Variants in CACNA1B observed in about 807,000 individuals in gnomAD.
The protein encoded by CACNA1B is voltage-dependent N-type calcium channel subunit alpha-1B.
In CACNA1B, 70 loss-of-function variants were observed where a neutral mutation model predicts 247.2. The ratio of observed to expected loss-of-function variants is 0.28; its 90% CI spans 0.23 to 0.35. The LOEUF (loss-of-function observed/expected upper bound fraction) is 0.35, where lower values mean the gene tolerates loss of function less well. Ranked by LOEUF, CACNA1B falls within the 10% of genes least tolerant of loss-of-function variation. The pLI, the probability that CACNA1B is intolerant of heterozygous loss-of-function variation, is 1.00. For missense variants in CACNA1B, 2,367 were observed against 3,197.4 expected, an observed-to-expected ratio of 0.74 and a Z score of 6.26; for synonymous variants, 1,231 against 1,294.4, an observed-to-expected ratio of 0.95 and a Z score of 1.05.
At chr9:137,926,064 CTTTCT>C (rs1957547177) in intron 6 of CACNA1B, among the ~76,000 whole-genome samples, 1 of 103,438 alleles carries the variant, frequency 9.7e-6, no homozygotes, top group African/African-American at 3.2e-5. Flanking sequence ...TCCTTTTTTC[CTTTCT>C]TTTTTTTTTT....
chr9:138,005,073 A>C (rs1346798264), intron 15 of CACNA1B, among the ~76,000 whole-genome samples: 1 of 152,214 alleles, frequency 6.6e-6, no homozygotes, highest in Non-Finnish European at 1.5e-5. Flanking sequence ...AACAGTATGG[A>C]GGCTCCTTAA....
intron 6 of CACNA1B, among the ~76,000 whole-genome samples, chr9:137,928,541 GT>G (rs1394145620): frequency 2.0e-5 from 3 of 152,106 alleles, no homozygotes; most frequent in Non-Finnish European, 4.4e-5. Flanking sequence ...TTTTAAAAAC[GT>G]TTGGTAGGAT....
intron 9 of CACNA1B, 114 bp downstream of exon 9, chr9:137,956,941 C>T: frequency 1.2e-6 from 1 of 803,082 alleles, no homozygotes; most frequent in Non-Finnish European, 2.1e-6. Flanking sequence ...GTGCCAGGCA[C>T]CTGCACAGCC....
At chr9:137,892,691 G>C (rs1957119918) in intron 3 of CACNA1B, 4 of 317,932 alleles carry the variant, frequency 1.3e-5, no homozygotes, top group South Asian at 1.0e-4. Flanking sequence ...AAGGGTGGGG[G>C]CTCCTGAGCA....
intron 26 of CACNA1B, among the ~76,000 whole-genome samples, chr9:138,056,533 A>G (rs1314443240): frequency 6.6e-6 from 1 of 152,174 alleles, no homozygotes; most frequent in African/African-American, 2.4e-5. Context: ...TGTTGTATAC[A>G]TTTATGTCCA....
chr9:138,005,902 G>T (rs1958641890), intron 15 of CACNA1B, among the ~76,000 whole-genome samples: 1 of 152,064 alleles, frequency 6.6e-6, no homozygotes, highest in Non-Finnish European at 1.5e-5. Flanking sequence ...AATTAGCCGG[G>T]TGAGGTGGTG....
intron 36 of CACNA1B, among the ~76,000 whole-genome samples, chr9:138,087,791 G>A (rs1385767408): frequency 1.3e-5 from 2 of 148,910 alleles, no homozygotes; most frequent in Non-Finnish European, 3.0e-5. Context: ...AGAAACACAT[G>A]TCATGATAAC....
rs1355802187 is a variant in CACNA1B, at chr9:138,102,089, G to A, written c.5223-622G>A. ...AGCAGCCCTGCCCTGGGCTGGCCTCGGGCGTCTCTGGGCTTGAAGCAGGAC... is the reference window on the plus strand; with the variant it reads ...AGCAGCCCTGCCCTGGGCTGGCCTCAGGCGTCTCTGGGCTTGAAGCAGGAC... On this transcript the variant is annotated intron_variant, in intron 37 of 46. Transcript: ENST00000371372. This position sits in a 1 kb window ranked among gnomAD's most constrained non-coding sequence, Gnocchi z 5.4. 6.6e-6 allele frequency among the ~76,000 whole-genome samples: 1 copy of A among 152,172 alleles called. No individual in the cohort carries two copies. Among genetic ancestry groups the A allele is most frequent in the Non-Finnish European group, 1.5e-5 (1 of 68,024 alleles).
At chr9:137,946,460 A>C (rs900541426) in intron 6 of CACNA1B, among the ~76,000 whole-genome samples, 1 of 152,202 alleles carries the variant, frequency 6.6e-6, no homozygotes, top group Non-Finnish European at 1.5e-5. Flanking sequence ...TAACCAGGAA[A>C]GACAGAAAAG....
chr9:138,058,403 C>G lies in CACNA1B; in HGVS notation c.4308+153C>G, dbSNP rs931492900. Among the ~76,000 whole-genome samples the G allele has an allele frequency of 6.6e-6, 1 of 152,120 alleles. No individual in the cohort carries two copies. Among genetic ancestry groups the G allele is most frequent in the Non-Finnish European group, 1.5e-5 (1 of 68,016 alleles). On this transcript the variant is annotated intron_variant, in intron 28 of 46. Transcript: ENST00000371372. This position sits in a 1 kb window ranked among gnomAD's most constrained non-coding sequence, Gnocchi z 4.7. ...GTCCTCCTTTCTCCTGCAGAGGGACCGGATTTGGCTGGTTGAGGCCTGCTT... is the reference window on the plus strand; with the variant it reads ...GTCCTCCTTTCTCCTGCAGAGGGACGGGATTTGGCTGGTTGAGGCCTGCTT...
chr9:137,887,112 C>T (rs1455955081), intron 3 of CACNA1B, among the ~76,000 whole-genome samples: 1 of 151,800 alleles, frequency 6.6e-6, no homozygotes, highest in Non-Finnish European at 1.5e-5. Flanking sequence ...GGCGGAGCAG[C>T]GGAGGTGTGC....
At chr9:138,006,735 G>A (rs1311636938) in intron 15 of CACNA1B, 32 bp from the exon 16 acceptor site, 2 of 1,313,682 alleles carry the variant, frequency 1.5e-6, no homozygotes, top group African/African-American at 1.4e-5. Context: ...GCGGCCATGG[G>A]GGCTTGCCCT....
chr9:138,099,593 G>T (rs1010181701), intron 37 of CACNA1B, among the ~76,000 whole-genome samples: 1 of 150,780 alleles, frequency 6.6e-6, no homozygotes, highest in Non-Finnish European at 1.5e-5. Flanking sequence ...TGTGCCTGTG[G>T]GTGTGCACGT....
intron 3 of CACNA1B, among the ~76,000 whole-genome samples, chr9:137,904,564 T>C (rs1220654455): frequency 6.6e-6 from 1 of 151,658 alleles, no homozygotes; most frequent in Non-Finnish European, 1.5e-5. Context: ...GAGATGGGTC[T>C]CATATGTTGT....
chr9:138,114,578 A>G, intron 41 of CACNA1B, 88 bp downstream of exon 41: 1 of 659,192 alleles, frequency 1.5e-6, no homozygotes, highest in Non-Finnish European at 2.7e-6. Flanking sequence ...GGGGAGATGC[A>G]CACCATTCTT....
At position 137,881,667 on chromosome 9, in the gene CACNA1B, C is replaced by T. The variant is rs1272524240; in HGVS notation, c.391-1077C>T. On this transcript the variant is annotated intron_variant, in intron 2 of 46. Coordinates refer to ENST00000371372, the MANE Select transcript of CACNA1B (RefSeq NM_000718.4). This position sits in a 1 kb window ranked among gnomAD's most constrained non-coding sequence, Gnocchi z 4.3. Reference sequence around the variant, plus strand: ...AGCCCAGCTTCCCGGGCTTGCCTTGCACAGGGCCTTTCCCTGCCAGCCCCA... The same window carrying T: ...AGCCCAGCTTCCCGGGCTTGCCTTGTACAGGGCCTTTCCCTGCCAGCCCCA... Among the ~76,000 whole-genome samples the T allele has an allele frequency of 3.3e-5, 5 of 152,172 alleles. No homozygotes were observed. The highest frequency in any genetic ancestry group is 4.4e-5 in the Non-Finnish European group (3 of 68,000).
At position 137,934,932 on chromosome 9, in the gene CACNA1B, C is replaced by T. The variant is rs541825731; in HGVS notation, c.967-17342C>T. On this transcript the variant is annotated intron_variant, in intron 6 of 46. Coordinates refer to ENST00000371372, the MANE Select transcript of CACNA1B (RefSeq NM_000718.4). ...GACAAAACAAGGTTCCTTAACACCCCGAAGAAATCACACTAGCTCACTAGC... is the reference window on the plus strand; with the variant it reads ...GACAAAACAAGGTTCCTTAACACCCTGAAGAAATCACACTAGCTCACTAGC... Among the ~76,000 whole-genome samples, 25 of 152,206 alleles carry T rather than the reference C, an allele frequency of 1.6e-4. No homozygotes were observed. In the South Asian group the frequency reaches 3.7e-3, roughly 23 times the overall value.
chr9:137,919,536 C>T lies in CACNA1B; in HGVS notation c.966+2105C>T, dbSNP rs1398073243. 6.6e-6 allele frequency among the ~76,000 whole-genome samples: 1 copy of T among 152,236 alleles called. No homozygotes were observed. The highest frequency in any genetic ancestry group is 2.4e-5 in the African/African-American group (1 of 41,470). The stretch of plus-strand genomic sequence containing the variant: ...CCTCCACACTAAGGGCATACAGGGT[C>T]GGTCACTGGAGATTAGACAGGAGTT... On this transcript the variant is annotated intron_variant, in intron 6 of 46. Coordinates refer to ENST00000371372, the MANE Select transcript of CACNA1B (RefSeq NM_000718.4). This position sits in a 1 kb window ranked among gnomAD's most constrained non-coding sequence, Gnocchi z 4.6.
Position 138,054,177 on chromosome 9 carries a change from T to A in CACNA1B, c.3968+171T>A, listed in dbSNP as rs1311079448. The stretch of plus-strand genomic sequence containing the variant: ...GGGGCTTGCTTGAGAAGGGCTAGAG[T>A]CACCACAGAAGACAGGATGCATCCC... On this transcript the variant is annotated intron_variant, in intron 26 of 46. Coordinates refer to ENST00000371372, the MANE Select transcript of CACNA1B (RefSeq NM_000718.4). This position sits in a 1 kb window ranked among gnomAD's most constrained non-coding sequence, Gnocchi z 4.6. 6.6e-6 allele frequency among the ~76,000 whole-genome samples: 1 copy of A among 151,508 alleles called. No individual in the cohort carries two copies. Among genetic ancestry groups the A allele is most frequent in the Non-Finnish European group, 1.5e-5 (1 of 67,852 alleles).
Sources: allele counts gnomAD v4.1 joint callset (sites outside exome capture counted in the v4.1 genomes callset), GRCh38; gene constraint gnomAD v4.1.1; non-coding constraint Gnocchi (gnomAD v3.1); transcripts MANE v1.5; gene names NCBI Gene and HGNC (gene_info 2026-07-23, HGNC 2026-07-21).